Variants in PSPC1 observed in about 807,000 individuals in gnomAD.
The protein encoded by PSPC1 is paraspeckle component 1.
PSPC1 carries 14 observed loss-of-function variants against 51.6 expected under a neutral mutation model. That is an observed-to-expected ratio of 0.27 (90% CI 0.18 to 0.42). The LOEUF is 0.42. Among genes scored for constraint, PSPC1 ranks in the 10% least tolerant of loss-of-function variants. The probability of loss-of-function intolerance (pLI) is 1.00; values close to 1 mark genes in which losing one functional copy is unlikely to be tolerated. For missense variants in PSPC1, 406 were observed against 701.1 expected, an observed-to-expected ratio of 0.58 and a Z score of 4.75; for synonymous variants, 193 against 231.9, an observed-to-expected ratio of 0.83 and a Z score of 1.53.
chr13:19,750,331 C>T (rs1311866604), intron 4 of PSPC1, among the ~76,000 whole-genome samples: 1 of 151,910 alleles, frequency 6.6e-6, no homozygotes, highest in Non-Finnish European at 1.5e-5. Flanking sequence ...ACTCGGGAGG[C>T]TGAGGCAGGA....
intron 1 of PSPC1, among the ~76,000 whole-genome samples, chr13:19,775,222 C>A (rs895586521): frequency 6.6e-6 from 1 of 151,840 alleles, no homozygotes; most frequent in South Asian, 2.1e-4. Flanking sequence ...GCATGTGGCA[C>A]GGGCCTGTAG....
rs184034151 is a variant in PSPC1 at position 19,758,713 on chromosome 13, T to C, written c.770+610A>G. Among the ~76,000 whole-genome samples the C allele has an allele frequency of 5.0e-3, 763 of 151,912 alleles. 8 individuals carry two copies. The highest frequency in any genetic ancestry group is 0.018 in the African/African-American group (740 of 41,436). ...AGTCGGGCGTGGTGGCGCACACCTG[T>C]AATCCCAGCTACTCGGGAGGCTGAG... On this transcript the variant is annotated intron_variant, in intron 3 of 8. Transcript: ENST00000338910.
chr13:19,693,537 T>C (rs1792873279), intron 6 of PSPC1, among the ~76,000 whole-genome samples: 1 of 152,084 alleles, frequency 6.6e-6, no homozygotes, highest in Non-Finnish European at 1.5e-5. Context: ...CTAGAAGGAA[T>C]AAAATAAATA....
chr13:19,736,407 C>G lies in PSPC1; in HGVS notation c.1052+5158G>C, dbSNP rs530750248. Among the ~76,000 whole-genome samples the G allele has an allele frequency of 9.2e-5, 14 of 152,048 alleles. No homozygotes were observed. The South Asian group carries it at 2.5e-3, about 27-fold the overall frequency. Reference sequence around the variant, plus strand: ...AATAAAAAATTACATCTTCAGGCCACGCACAGTGGCTCAAGCCTGTAATCC... The same window carrying G: ...AATAAAAAATTACATCTTCAGGCCAGGCACAGTGGCTCAAGCCTGTAATCC... On this transcript the variant is annotated intron_variant, in intron 5 of 8. Transcript: ENST00000338910.
chr13:19,677,915 A>C, intron 6 of PSPC1: 1 of 444,960 alleles, frequency 2.2e-6, no homozygotes. Flanking sequence ...TAGTAAATTC[A>C]TAACAGTAAT....
intron 6 of PSPC1, among the ~76,000 whole-genome samples, chr13:19,716,880 T>C (rs80108052): frequency 0.01 from 1,551 of 152,248 alleles, 28 homozygotes; most frequent in African/African-American, 0.035. Flanking sequence ...AATTAAACTT[T>C]CATGAGAAAG....
rs1349120569 is a variant in PSPC1, at chr13:19,707,080, A to AC, written c.1217-1250dup. The stretch of plus-strand genomic sequence containing the variant: ...AAGAACAGTATCTAAGAGGCGTCTT[A>AC]CCTCAACAATCCCCCAGAAAACAAA... On this transcript the variant is annotated intron_variant, in intron 7 of 8. Coordinates refer to ENST00000338910, the MANE Select transcript of PSPC1 (RefSeq NM_001354909.2). Among the ~76,000 whole-genome samples, 5 of 152,270 alleles carry AC rather than the reference A, an allele frequency of 3.3e-5. No individual in the cohort carries two copies. The East Asian group carries it at 9.7e-4, about 29-fold the overall frequency.
At chr13:19,677,939 CCA>C in intron 6 of PSPC1, 1 of 417,578 alleles carries the variant, frequency 2.4e-6, no homozygotes, top group East Asian at 7.2e-5. Flanking sequence ...GGTTTCGATA[CCA>C]TGTAGTGCTG....
At chr13:19,671,805 C>G (rs1449442172), downstream of PSPC1, 8 of 1,611,796 alleles carry the variant, frequency 5.0e-6, no homozygotes, top group South Asian at 1.1e-5. Context: ...TGGATCTGTA[C>G]TGACACCTGC....
At chr13:19,778,139 G>A (rs1046141659) in intron 1 of PSPC1, among the ~76,000 whole-genome samples, 29 of 151,846 alleles carry the variant, frequency 1.9e-4, no homozygotes, top group Admixed American at 8.5e-4. Flanking sequence ...CTACTCCAGA[G>A]GCTGAGGCAG....
chr13:19,672,477 G>C (rs1876189571), downstream of PSPC1: 1 of 144,598 alleles, frequency 6.9e-6, no homozygotes, highest in Non-Finnish European at 1.5e-5. Context: ...TTTTCTACTA[G>C]CCCTGGTGAA....
chr13:19,684,853 T>C (rs1262948835), intron 6 of PSPC1, among the ~76,000 whole-genome samples: 1 of 152,236 alleles, frequency 6.6e-6, no homozygotes, highest in Admixed American at 6.5e-5. Flanking sequence ...ATTAGAAGTG[T>C]ATCCAGTAAC....
chr13:19,720,574 T>C (rs1008762025), intron 6 of PSPC1, among the ~76,000 whole-genome samples: 18 of 152,158 alleles, frequency 1.2e-4, no homozygotes, highest in African/African-American at 4.3e-4. Flanking sequence ...AAGCTACAGG[T>C]TTAAATACAT....
intron 1 of PSPC1, among the ~76,000 whole-genome samples, chr13:19,781,668 T>C (rs1200671886): frequency 6.6e-6 from 1 of 152,062 alleles, no homozygotes; most frequent in South Asian, 2.1e-4. Context: ...TTGAGGTAAA[T>C]AGCAGGCTGC....
chr13:19,782,367 G>A lies in PSPC1; in HGVS notation c.372+19C>T. On this transcript the variant is annotated intron_variant, in intron 1 of 8. Transcript: ENST00000338910. This position sits in a 1 kb window ranked among gnomAD's most constrained non-coding sequence, Gnocchi z 4.5. ...CCCGACAGTCCTTTTGTTCCCTCGC[G>A]CGGGCGCCTGACACTCACCAAGCGG... 6.4e-7 allele frequency: 1 copy of A among 1,561,006 alleles called. No individual in the cohort carries two copies. The highest frequency in any genetic ancestry group is 2.4e-5 in the East Asian group (1 of 41,968).
chr13:19,766,133 G>T (rs1465095513), intron 2 of PSPC1, among the ~76,000 whole-genome samples: 1 of 152,180 alleles, frequency 6.6e-6, no homozygotes, highest in Non-Finnish European at 1.5e-5. Flanking sequence ...AGGACTTTGG[G>T]AGGCTGAGGC....
intron 3 of PSPC1, among the ~76,000 whole-genome samples, chr13:19,754,880 G>T (rs1198635174): frequency 6.6e-6 from 1 of 152,084 alleles, no homozygotes; most frequent in Non-Finnish European, 1.5e-5. Context: ...AATTTGTAAT[G>T]GTGACCTATA....
intron 2 of PSPC1, among the ~76,000 whole-genome samples, chr13:19,766,825 A>G (rs1888120788): frequency 6.6e-6 from 1 of 151,878 alleles, no homozygotes; most frequent in South Asian, 2.1e-4. Flanking sequence ...ACTGCGCTCC[A>G]GCCTGGGAGG....
chr13:19,724,072 T>A (rs1883076871), intron 6 of PSPC1, among the ~76,000 whole-genome samples: 1 of 152,206 alleles, frequency 6.6e-6, no homozygotes, highest in South Asian at 2.1e-4. Flanking sequence ...TAAAAATCCC[T>A]TGTAAAATGT....
Sources: allele counts gnomAD v4.1 joint callset (sites outside exome capture counted in the v4.1 genomes callset), GRCh38; gene constraint gnomAD v4.1.1; non-coding constraint Gnocchi (gnomAD v3.1); transcripts MANE v1.5; gene names NCBI Gene and HGNC (gene_info 2026-07-23, HGNC 2026-07-21).